ATP10B: variants seen among roughly 807,000 people sequenced by gnomAD.
ATP10B encodes the protein ATPase phospholipid transporting 10B (putative), also known as phospholipid-transporting ATPase VB.
ATP10B carries 122 observed loss-of-function variants against 141.2 expected under a neutral mutation model. The ratio of observed to expected loss-of-function variants is 0.86; its 90% CI spans 0.75 to 1.00. ATP10B has a LOEUF of 1.00. Among genes scored for constraint, ATP10B ranks in the 50% least tolerant of loss-of-function variants. The pLI is 0.00. For missense variants in ATP10B, 1,876 were observed against 1,825.3 expected (o/e 1.03, Z -0.51); for synonymous variants, 685 against 692.0 (o/e 0.99, Z 0.16).
At chr5:160,673,079 G>C (rs1762812245) in intron 6 of ATP10B, among the ~76,000 whole-genome samples, 1 of 152,218 alleles carries the variant, frequency 6.6e-6, no homozygotes, top group African/African-American at 2.4e-5. Flanking sequence ...CTGTGGCTCT[G>C]GGAGCTCAGT....
chr5:160,746,646 C>T (rs1185209085), intron 2 of ATP10B, among the ~76,000 whole-genome samples: 1 of 152,170 alleles, frequency 6.6e-6, no homozygotes, highest in Non-Finnish European at 1.5e-5. Context: ...CCCGCCTCAG[C>T]CTCCCAAAAT....
intron 3 of ATP10B, among the ~76,000 whole-genome samples, chr5:160,709,498 C>T (rs1765222451): frequency 6.6e-6 from 1 of 151,982 alleles, no homozygotes; most frequent in African/African-American, 2.4e-5. Context: ...AATGAAATTA[C>T]CTTGTTATAC....
At chr5:160,665,126 T>G (rs1762247811) in intron 7 of ATP10B, among the ~76,000 whole-genome samples, 1 of 152,086 alleles carries the variant, frequency 6.6e-6, no homozygotes, top group African/African-American at 2.4e-5. Flanking sequence ...AATTCAAAGA[T>G]GGCCCATTGG....
intron 6 of ATP10B, among the ~76,000 whole-genome samples, chr5:160,671,593 A>C (rs1305387764): frequency 6.6e-6 from 1 of 152,194 alleles, no homozygotes; most frequent in African/African-American, 2.4e-5. Context: ...GTGGAATTAG[A>C]GGGCCGAAGA....
intron 7 of ATP10B, among the ~76,000 whole-genome samples, chr5:160,653,697 C>CAT (rs1761183540): frequency 9.0e-6 from 1 of 110,966 alleles, no homozygotes; most frequent in African/African-American, 3.5e-5. Flanking sequence ...TACATATATA[C>CAT]ATATACAATA....
chr5:160,877,481 G>A, the ATP10B span, among the ~76,000 whole-genome samples: 1 of 148,354 alleles, frequency 6.7e-6, no homozygotes, highest in African/African-American at 2.5e-5. Flanking sequence ...GCACAAGACA[G>A]GGATGCCCTC....
chr5:160,636,564 G>A (rs1480104896), intron 10 of ATP10B, among the ~76,000 whole-genome samples: 5 of 152,162 alleles, frequency 3.3e-5, no homozygotes, highest in Non-Finnish European at 5.9e-5. Context: ...ATTGGCATGA[G>A]GATTACTTCT....
At chr5:160,868,050 T>C in the ATP10B span, among the ~76,000 whole-genome samples, 6 of 152,074 alleles carry the variant, frequency 3.9e-5, no homozygotes, top group African/African-American at 1.4e-4. Context: ...AGCAACATAG[T>C]GTCACAGCGT....
chr5:160,805,246 A>G (rs745565417), intron 1 of ATP10B, among the ~76,000 whole-genome samples: 21 of 152,362 alleles, frequency 1.4e-4, no homozygotes, highest in Admixed American at 7.8e-4. Context: ...TAATCTGATA[A>G]GAAATGTTGA....
chr5:160,818,769 A>T (rs1773879617), intron 1 of ATP10B, among the ~76,000 whole-genome samples: 1 of 152,242 alleles, frequency 6.6e-6, no homozygotes, highest in African/African-American at 2.4e-5. Flanking sequence ...ACAATGATAG[A>T]CTGGATTAAG....
At chr5:160,909,823 G>A in the ATP10B span, among the ~76,000 whole-genome samples, 3 of 152,148 alleles carry the variant, frequency 2.0e-5, no homozygotes, top group Non-Finnish European at 4.4e-5. Flanking sequence ...AGAGAGTGCA[G>A]GGCAATGTTA....
intron 24 of ATP10B, among the ~76,000 whole-genome samples, chr5:160,580,293 T>A (rs1026505601): frequency 6.6e-6 from 1 of 152,216 alleles, no homozygotes; most frequent in Admixed American, 6.5e-5. Context: ...TGATATTGGC[T>A]ATGGGTTTGT....
chr5:160,832,837 G>T (rs1236612740), intron 1 of ATP10B, among the ~76,000 whole-genome samples: 3 of 152,136 alleles, frequency 2.0e-5, no homozygotes, highest in Non-Finnish European at 4.4e-5. Context: ...TGCCATAGGT[G>T]GGGGTAAGGA....
At chr5:160,657,088 A>G (rs554929516) in intron 7 of ATP10B, among the ~76,000 whole-genome samples, 5 of 152,298 alleles carry the variant, frequency 3.3e-5, no homozygotes, top group African/African-American at 7.2e-5. Flanking sequence ...GTGCCAAGGA[A>G]TAGGGGTTAC....
At chr5:160,919,487 C>A in the ATP10B span, among the ~76,000 whole-genome samples, 1 of 152,044 alleles carries the variant, frequency 6.6e-6, no homozygotes, top group Non-Finnish European at 1.5e-5. Context: ...TGGGAGGAGT[C>A]GCTAGCAGCC....
At chr5:160,759,287 C>A (rs1768857675) in intron 2 of ATP10B, among the ~76,000 whole-genome samples, 1 of 152,086 alleles carries the variant, frequency 6.6e-6, no homozygotes. Flanking sequence ...GTGGATCTAT[C>A]TAGATTATAA....
chr5:160,824,232 G>A lies in ATP10B; in HGVS notation c.-576+27709C>T, dbSNP rs184955100. The stretch of plus-strand genomic sequence containing the variant: ...AGGGTTTCACCATGTTAGCCAGGAT[G>A]GTCTCGATCTCCTGACCTCGTGATC... On this transcript the variant is annotated intron_variant, in intron 1 of 25. Coordinates refer to ENST00000327245, the MANE Select transcript of ATP10B (RefSeq NM_025153.3). Among the ~76,000 whole-genome samples the A allele has an allele frequency of 6.0e-3, 914 of 152,154 alleles. 12 individuals are homozygous for A. Among genetic ancestry groups the A allele is most frequent in the African/African-American group, 0.021 (871 of 41,514 alleles).
At chr5:160,824,686 T>A (rs1240235369) in intron 1 of ATP10B, among the ~76,000 whole-genome samples, 1 of 152,178 alleles carries the variant, frequency 6.6e-6, no homozygotes, top group African/African-American at 2.4e-5. Flanking sequence ...AACATAATGG[T>A]TAAGTGTTTG....
chr5:160,636,381 C>T (rs1759374498), intron 10 of ATP10B, 72 bp from the exon 11 acceptor site: 1 of 1,501,012 alleles, frequency 6.7e-7, no homozygotes, highest in African/African-American at 1.4e-5. Flanking sequence ...TATACCAGCC[C>T]TTGACACATT....
Sources: gnomAD v4.1 joint callset for allele counts (sites outside exome capture counted in the v4.1 genomes callset) on GRCh38, gnomAD v4.1.1 for gene constraint, MANE v1.5 for transcripts, NCBI Gene and HGNC (gene_info 2026-07-23, HGNC 2026-07-21) for gene names.